The following CHLSN variants were observed in gnomAD, a reference collection of about 807,000 sequenced individuals.
The protein encoded by CHLSN is protein cholesin.
the CHLSN span, chr7:997,674 A>AG: frequency 1.2e-5 from 19 of 1,610,090 alleles, no homozygotes; most frequent in South Asian, 5.5e-5. Context: ...CCTCCCCGGC[A>AG]GGGGGGGATC....
chr7:1,013,765 G>C, the CHLSN span, among the ~76,000 whole-genome samples: 1 of 152,168 alleles, frequency 6.6e-6, no homozygotes, highest in Non-Finnish European at 1.5e-5. Context: ...GCAGAAAGTC[G>C]TACAAAAGTA....
At chr7:997,486 C>T in the CHLSN span, 1 of 696,290 alleles carries the variant, frequency 1.4e-6, no homozygotes, top group Non-Finnish European at 2.2e-6. Context: ...ATCCCGGCCC[C>T]CACCACCGGA....
the CHLSN span, among the ~76,000 whole-genome samples, chr7:1,030,165 G>T: frequency 6.6e-6 from 1 of 152,186 alleles, no homozygotes; most frequent in South Asian, 2.1e-4. Flanking sequence ...ACAGTCACCT[G>T]CCTCCATGAA....
the CHLSN span, among the ~76,000 whole-genome samples, chr7:1,096,480 C>G: frequency 6.6e-6 from 1 of 152,222 alleles, no homozygotes; most frequent in Admixed American, 6.5e-5. This position sits in a 1 kb window ranked among gnomAD's most constrained non-coding sequence, Gnocchi z 4.6. Context: ...GCAGGCCGGG[C>G]AGGGACTCCG....
At chr7:1,095,678 C>T in the CHLSN span, among the ~76,000 whole-genome samples, 4 of 152,240 alleles carry the variant, frequency 2.6e-5, no homozygotes, top group Admixed American at 6.5e-5. Context: ...GTGGGGTAAG[C>T]GCTGTCCCCA....
chr7:1,055,109 A>G, the CHLSN span, among the ~76,000 whole-genome samples: 198 of 152,282 alleles, frequency 1.3e-3, no homozygotes, highest in Middle Eastern at 3.4e-3. Flanking sequence ...CACGGCCTCC[A>G]TGAGCCAGGC....
the CHLSN span, chr7:988,949 C>T: frequency 2.0e-5 from 13 of 635,308 alleles, no homozygotes; most frequent in Admixed American, 3.8e-4. Flanking sequence ...ACCCTCACCC[C>T]CACCCCCACA....
the CHLSN span, among the ~76,000 whole-genome samples, chr7:1,102,574 A>T: frequency 7.0e-6 from 1 of 143,490 alleles, no homozygotes; most frequent in African/African-American, 2.7e-5. Flanking sequence ...ACCTGTTTTT[A>T]AAATTTTTTT....
the CHLSN span, among the ~76,000 whole-genome samples, chr7:1,065,775 T>G: frequency 2.0e-5 from 3 of 152,142 alleles, no homozygotes; most frequent in African/African-American, 7.2e-5. Context: ...GCTTCCCGAG[T>G]ACAGATCACG....
At chr7:1,012,031 T>C in the CHLSN span, among the ~76,000 whole-genome samples, 24,191 of 151,942 alleles carry the variant, frequency 0.16, 2,073 homozygotes, top group Admixed American at 0.22. Flanking sequence ...AGCTCCATGC[T>C]CACCTCCTAG....
the CHLSN span, among the ~76,000 whole-genome samples, chr7:1,123,480 G>GAGGGA: frequency 6.6e-6 from 1 of 152,132 alleles, no homozygotes; most frequent in Non-Finnish European, 1.5e-5. This position sits in a 1 kb window ranked among gnomAD's most constrained non-coding sequence, Gnocchi z 4.4. Context: ...TGGGGGAGGG[G>GAGGGA]AGGGAAGCAG....
chr7:991,487 G>T, the CHLSN span, among the ~76,000 whole-genome samples: 2 of 144,312 alleles, frequency 1.4e-5, no homozygotes, highest in Non-Finnish European at 3.0e-5. Flanking sequence ...GGGCAGGAGG[G>T]AAGGGGGGGG....
At chr7:1,041,358 GCCTGGGGTCCGCGCTGCAGGGGAACGGGA>G in the CHLSN span, among the ~76,000 whole-genome samples, 1 of 57,606 alleles carries the variant, frequency 1.7e-5, no homozygotes, top group Non-Finnish European at 3.5e-5. Flanking sequence ...GGGGAAGGGG[GCCTGGGGTCCGCGCTGCAGGGGAACGGGA>G]CCTGGGGTCC....
At chr7:1,103,428 A>G in the CHLSN span, among the ~76,000 whole-genome samples, 4 of 152,284 alleles carry the variant, frequency 2.6e-5, no homozygotes, top group Middle Eastern at 6.8e-3. Context: ...GAATGACCTT[A>G]CACCCCACAA....
chr7:1,058,049 C>T, the CHLSN span: 35 of 768,424 alleles, frequency 4.6e-5, no homozygotes, highest in South Asian at 1.2e-4. Context: ...CGCTAGAGTG[C>T]GCCAAGATGC....
the CHLSN span, among the ~76,000 whole-genome samples, chr7:1,009,020 C>T: frequency 8.1e-6 from 1 of 124,176 alleles, no homozygotes; most frequent in East Asian, 2.1e-4. Flanking sequence ...CACACATACA[C>T]ATGCACACAC....
the CHLSN span, chr7:987,562 C>T: frequency 5.4e-6 from 8 of 1,492,998 alleles, no homozygotes; most frequent in South Asian, 1.3e-5. Flanking sequence ...CCCCTTCCAT[C>T]TCCTCTGGGG....
the CHLSN span, among the ~76,000 whole-genome samples, chr7:1,020,503 C>T: frequency 6.6e-6 from 1 of 152,218 alleles, no homozygotes; most frequent in Admixed American, 6.5e-5. Context: ...CCCCCACTAT[C>T]GAGATATGTC....
the CHLSN span, among the ~76,000 whole-genome samples, chr7:1,105,113 A>G: frequency 6.6e-6 from 1 of 152,238 alleles, no homozygotes; most frequent in African/African-American, 2.4e-5. Flanking sequence ...TCATGAAGGA[A>G]GAGGTGTTAC....
Sources: gnomAD v4.1 joint callset for allele counts (sites outside exome capture counted in the v4.1 genomes callset) on GRCh38, gnomAD v4.1.1 for gene constraint, Gnocchi (gnomAD v3.1) non-coding constraint, MANE v1.5 for transcripts, NCBI Gene and HGNC (gene_info 2026-07-23, HGNC 2026-07-21) for gene names.